The following TTLL11 variants were observed in gnomAD, a reference collection of about 807,000 sequenced individuals.
TTLL11 encodes the protein tubulin tyrosine ligase like 11, also known as tubulin polyglutamylase TTLL11.
A neutral mutation model predicts 51.7 loss-of-function variants in TTLL11; 42 were observed. That is an observed-to-expected ratio of 0.81 (90% CI 0.64 to 1.05). The LOEUF is 1.05. Among genes scored for constraint, TTLL11 ranks in the 50% least tolerant of loss-of-function variants. TTLL11 has a pLI of 0.00. For synonymous variants in TTLL11, 381 were observed against 383.5 expected (o/e 0.99, Z 0.08); for missense variants, 799 against 940.4 (o/e 0.85, Z 1.97).
intron 8 of TTLL11, among the ~76,000 whole-genome samples, chr9:121,842,407 G>T (rs1837384929): frequency 6.6e-6 from 1 of 152,066 alleles, no homozygotes; most frequent in Non-Finnish European, 1.5e-5. Context: ...ATAGGTGCAT[G>T]CCACCCTGCC....
intron 4 of TTLL11, among the ~76,000 whole-genome samples, chr9:121,978,140 T>C (rs1248130724): frequency 6.6e-6 from 1 of 152,178 alleles, no homozygotes; most frequent in Non-Finnish European, 1.5e-5. Flanking sequence ...AGAAAGTGCT[T>C]AATGAGAGCC....
chr9:122,009,059 G>A (rs1843729772), intron 3 of TTLL11, among the ~76,000 whole-genome samples: 1 of 152,136 alleles, frequency 6.6e-6, no homozygotes, highest in South Asian at 2.1e-4. Context: ...ATTTGTCAAA[G>A]GATACAAAAT....
intron 3 of TTLL11, among the ~76,000 whole-genome samples, chr9:122,020,319 A>C (rs1844130811): frequency 6.6e-6 from 1 of 152,178 alleles, no homozygotes; most frequent in Admixed American, 6.5e-5. Flanking sequence ...CTCTCCCTCT[A>C]TTCCATTTGC....
At chr9:121,833,650 C>T (rs1195494615) in intron 8 of TTLL11, among the ~76,000 whole-genome samples, 5 of 152,158 alleles carry the variant, frequency 3.3e-5, no homozygotes, top group Non-Finnish European at 7.3e-5. Context: ...AGGTCATCGT[C>T]TAGGTGGGCG....
At chr9:122,002,862 C>G (rs1588195247) in intron 3 of TTLL11, among the ~76,000 whole-genome samples, 1 of 147,678 alleles carries the variant, frequency 6.8e-6, no homozygotes, top group Non-Finnish European at 1.5e-5. Flanking sequence ...AGAAGAATCT[C>G]TTGAACCTGG....
At chr9:121,873,670 T>C (rs1838448735) in intron 6 of TTLL11, among the ~76,000 whole-genome samples, 1 of 148,088 alleles carries the variant, frequency 6.8e-6, no homozygotes, top group African/African-American at 2.5e-5. Context: ...TTCTTCTTCT[T>C]TTTTAAGAGA....
chr9:121,887,704 C>A (rs373079939), intron 6 of TTLL11, among the ~76,000 whole-genome samples: 7 of 152,326 alleles, frequency 4.6e-5, no homozygotes, highest in African/African-American at 1.7e-4. Flanking sequence ...TTCCCACAGG[C>A]GAGGGGAAAC....
chr9:121,968,150 T>C (rs1842458996), intron 6 of TTLL11, among the ~76,000 whole-genome samples: 1 of 152,198 alleles, frequency 6.6e-6, no homozygotes, highest in Non-Finnish European at 1.5e-5. Flanking sequence ...TTTACCTCCA[T>C]TTATATAACG....
In TTLL11 at chr9:121,823,558, C is replaced by CA. The variant is rs201619092; in HGVS notation, c.1841-680dup. Among the ~76,000 whole-genome samples the CA allele has an allele frequency of 9.3e-3, 1,419 of 152,000 alleles. 28 individuals carry two copies. Among genetic ancestry groups the CA allele is most frequent in the African/African-American group, 0.033 (1,357 of 41,444 alleles). On this transcript the variant is annotated intron_variant, in intron 8 of 8. Transcript: ENST00000321582. The stretch of plus-strand genomic sequence containing the variant: ...AAGACTCCATCTCAGAAAACAAAAA[C>CA]AAAAAAACCCAGCTTCTTAACTTTT...
At chr9:122,085,141 T>A (rs1253653961) in intron 1 of TTLL11, among the ~76,000 whole-genome samples, 5 of 152,042 alleles carry the variant, frequency 3.3e-5, no homozygotes, top group Non-Finnish European at 7.4e-5. Context: ...GCGCCTGTAG[T>A]CCCAGCTACT....
chr9:121,909,755 G>A (rs555250965), intron 6 of TTLL11, among the ~76,000 whole-genome samples: 16 of 152,278 alleles, frequency 1.1e-4, no homozygotes, highest in East Asian at 5.8e-4. Context: ...AGTGAGGGCC[G>A]GGCACTCAGC....
At chr9:121,963,697 G>C (rs561836611) in intron 6 of TTLL11, 1 of 152,314 alleles carries the variant, frequency 6.6e-6, no homozygotes, top group African/African-American at 2.4e-5. Context: ...ATACATCTTG[G>C]AAATGGTTCC....
intron 3 of TTLL11, among the ~76,000 whole-genome samples, chr9:122,012,230 A>G (rs1843815358): frequency 1.3e-5 from 2 of 152,172 alleles, no homozygotes. Flanking sequence ...TTTCTCGTAG[A>G]AAATTAGACA....
rs1564395216 is a variant in TTLL11 at position 122,092,863 on chromosome 9, C to CCGGCTT, written c.280_285dup (p.Lys94_Pro95dup). ...TTCCCGTGCGGGCAGAGGCCCTGCACCGGCTTCGGCTTGGACGGGGGCAGC... is the reference window on the plus strand; with the variant it reads ...TTCCCGTGCGGGCAGAGGCCCTGCACCGGCTTCGGCTTCGGCTTGGACGGGGGCAGC... On this transcript the variant is annotated inframe_insertion, in exon 1 of 9. Coordinates refer to ENST00000321582, the MANE Select transcript of TTLL11 (RefSeq NM_001139442.2). The CCGGCTT allele has an allele frequency of 5.7e-6, 9 of 1,571,942 alleles. No homozygotes were observed. Among genetic ancestry groups the CCGGCTT allele is most frequent in the Non-Finnish European group, 7.7e-6 (9 of 1,166,426 alleles).
At chr9:122,035,728 T>A (rs928818827) in intron 2 of TTLL11, among the ~76,000 whole-genome samples, 12 of 152,214 alleles carry the variant, frequency 7.9e-5, no homozygotes, top group Non-Finnish European at 7.3e-5. Context: ...TCTCTGTTTC[T>A]TCTCTGAGCC....
At chr9:122,019,142 C>T (rs1844090507) in intron 3 of TTLL11, among the ~76,000 whole-genome samples, 1 of 152,172 alleles carries the variant, frequency 6.6e-6, no homozygotes, top group African/African-American at 2.4e-5. Flanking sequence ...CCAAATATTA[C>T]TCACCTCTGA....
intron 1 of TTLL11, among the ~76,000 whole-genome samples, chr9:122,048,363 C>T (rs376837277): frequency 3.3e-5 from 5 of 152,144 alleles, no homozygotes; most frequent in African/African-American, 7.2e-5. Context: ...GTCAGAGTTG[C>T]GCTATGTTGC....
At chr9:122,007,008 A>C (rs986796097) in intron 3 of TTLL11, among the ~76,000 whole-genome samples, 4 of 149,736 alleles carry the variant, frequency 2.7e-5, no homozygotes, top group Admixed American at 1.3e-4. Flanking sequence ...AAAAAAAAAA[A>C]ACTTTTCCTT....
intron 8 of TTLL11, among the ~76,000 whole-genome samples, chr9:121,824,286 C>G (rs1003988598): frequency 6.6e-6 from 1 of 151,876 alleles, no homozygotes; most frequent in Non-Finnish European, 1.5e-5. Flanking sequence ...ACCATCCTGG[C>G]CAATGTGGTG....
Sources: allele counts gnomAD v4.1 joint callset (sites outside exome capture counted in the v4.1 genomes callset), GRCh38; gene constraint gnomAD v4.1.1; transcripts MANE v1.5; gene names NCBI Gene and HGNC (gene_info 2026-07-23, HGNC 2026-07-21).